Variants in PCDHA3 observed in about 807,000 individuals in gnomAD.
The protein encoded by PCDHA3 is protocadherin alpha-3.
PCDHA3 carries 41 observed loss-of-function variants against 62.2 expected under a neutral mutation model. The observed-to-expected ratio is 0.66, with a 90% CI of 0.51 to 0.86. The LOEUF (loss-of-function observed/expected upper bound fraction) is 0.86. PCDHA3 is among the 40% of genes least tolerant of loss of function. The pLI is 0.00. For synonymous variants in PCDHA3, 640 were observed against 555.4 expected (o/e 1.15, Z -2.14); for missense variants, 1,304 against 1,241.2 (o/e 1.05, Z -0.76).
intron 1 of PCDHA3, chr5:140,813,234 G>C (rs1010931679): frequency 6.6e-6 from 1 of 152,092 alleles, no homozygotes; most frequent in Admixed American, 6.6e-5. Context: ...TTGAAAGTAG[G>C]ATACCAAAAT....
chr5:140,971,771 T>C (rs1433692038), intron 1 of PCDHA3, among the ~76,000 whole-genome samples: 1 of 152,192 alleles, frequency 6.6e-6, no homozygotes, highest in Non-Finnish European at 1.5e-5. Context: ...TCTTGAATAT[T>C]ATTCAAGATT....
At position 140,884,053 on chromosome 5, in the gene PCDHA3, C is replaced by A. The variant is rs782043806; in HGVS notation, c.2394+80462C>A. The stretch of plus-strand genomic sequence containing the variant: ...CAGGCCACGTGGTGGCGAAGGTGCG[C>A]GCGGTGGACGCCGATTCGGGCTACA... On this transcript the variant is annotated intron_variant, in intron 1 of 3. Transcript: ENST00000522353. 10 of 1,613,378 alleles carry A rather than the reference C, an allele frequency of 6.2e-6. No homozygotes were observed. The Admixed American group carries it at 1.2e-4, about 19-fold the overall frequency.
chr5:140,985,508 A>G (rs2097155357), intron 3 of PCDHA3, among the ~76,000 whole-genome samples: 1 of 152,160 alleles, frequency 6.6e-6, no homozygotes, highest in Admixed American at 6.5e-5. Context: ...CCTTTCATTG[A>G]TTCTGTTGCC....
At chr5:140,883,913 G>T (rs782585121) in intron 1 of PCDHA3, 1 of 1,613,478 alleles carries the variant, frequency 6.2e-7, no homozygotes, top group South Asian at 1.1e-5. Context: ...GGGCAGCAAC[G>T]TGACGCTGCA....
chr5:140,869,346 T>C (rs781810947), intron 1 of PCDHA3: 4 of 1,614,054 alleles, frequency 2.5e-6, no homozygotes, highest in Non-Finnish European at 2.5e-6. Context: ...ATCTGCAGAA[T>C]GGCATTTTGT....
rs146951816 is a variant in PCDHA3 at position 140,802,179 on chromosome 5, C to T, written c.982C>T (p.Pro328Ser). ...IQVEATDKGN[P>S]PMSDHCTVLL... ...GGTAGAAGCCACGGATAAAGGAAAT[C>T]CCCCAATGTCAGATCACTGCACAGT... The change falls in exon 1 of 4, where the codon CCC becomes TCC. Residue 328 changes from proline (P) to serine (S), a missense_variant. Pro to Ser is a moderately conservative substitution (Grantham distance 74). Coordinates refer to ENST00000522353, the MANE Select transcript of PCDHA3 (RefSeq NM_018906.3). The T allele has an allele frequency of 5.5e-4, 889 of 1,614,140 alleles. No homozygotes were observed. Among genetic ancestry groups the T allele is most frequent in the Non-Finnish European group, 7.1e-4 (835 of 1,179,962 alleles).
chr5:140,994,667 T>G (rs2097644091), intron 3 of PCDHA3, among the ~76,000 whole-genome samples: 1 of 152,140 alleles, frequency 6.6e-6, no homozygotes, highest in Non-Finnish European at 1.5e-5. Flanking sequence ...ATCACACTAC[T>G]GCACTCCAGC....
chr5:141,006,383 T>C (rs1431976303), intron 3 of PCDHA3, among the ~76,000 whole-genome samples: 1 of 151,992 alleles, frequency 6.6e-6, no homozygotes, highest in African/African-American at 2.4e-5. Context: ...GGCTAAGTTT[T>C]TTCTATTTTT....
Position 140,935,377 on chromosome 5 carries a change from C to T in PCDHA3, c.2395-43572C>T, listed in dbSNP as rs139207351. On this transcript the variant is annotated intron_variant, in intron 1 of 3. Coordinates refer to ENST00000522353, the MANE Select transcript of PCDHA3 (RefSeq NM_018906.3). ...GTTTTCATTAACGTCAACAGAATTA[C>T]TCATTTGTTATCCCACGGGACTCAA... is the stretch of plus-strand genomic sequence containing the variant. Among the ~76,000 whole-genome samples the T allele has an allele frequency of 1.3e-4, 20 of 152,332 alleles. No individual in the cohort carries two copies. In the East Asian group the frequency reaches 3.1e-3, roughly 23 times the overall value.
chr5:140,863,250 C>T, intron 1 of PCDHA3: 1 of 1,410,418 alleles, frequency 7.1e-7, no homozygotes, highest in Non-Finnish European at 9.7e-7. Context: ...TGGCGGGCGT[C>T]GAGGTCCGGG....
At chr5:140,843,605 G>A (rs2150363310) in intron 1 of PCDHA3, 2 of 1,596,092 alleles carry the variant, frequency 1.3e-6, no homozygotes, top group East Asian at 2.2e-5. Flanking sequence ...GTGCTCTGGT[G>A]AGGGGCCACC....
chr5:140,884,383 C>T lies in PCDHA3; in HGVS notation c.2394+80792C>T, dbSNP rs185410866. The T allele has an allele frequency of 5.2e-5, 84 of 1,613,994 alleles. No homozygotes were observed. In the Admixed American group the frequency reaches 1.4e-3, roughly 27 times the overall value. ...ATGTTTACTTGATCATTGCCATCTG[C>T]GCGGTGTCCAGCCTGTTGGTGCTCA... On this transcript the variant is annotated intron_variant, in intron 1 of 3. Transcript: ENST00000522353.
At chr5:140,808,465 C>T (rs372009115) in intron 1 of PCDHA3, 7 of 1,614,064 alleles carry the variant, frequency 4.3e-6, no homozygotes, top group Admixed American at 1.7e-5. Flanking sequence ...TGGTGGTGAC[C>T]GCGCGAGACG....
At chr5:140,844,242 G>A (rs2150369958) in intron 1 of PCDHA3, among the ~76,000 whole-genome samples, 3,371 of 149,312 alleles carry the variant, frequency 0.023, 302 homozygotes, top group African/African-American at 0.077. Flanking sequence ...CACTATTGCC[G>A]TTTTAAGCAG....
chr5:140,889,518 ATAT>A (rs2062258374), intron 1 of PCDHA3, among the ~76,000 whole-genome samples: 1 of 151,708 alleles, frequency 6.6e-6, no homozygotes, highest in South Asian at 2.1e-4. Flanking sequence ...TCCATTCTTG[ATAT>A]TATTTTTGCT....
chr5:140,831,119 G>T (rs1198671587), intron 1 of PCDHA3: 1 of 152,072 alleles, frequency 6.6e-6, no homozygotes, highest in Non-Finnish European at 1.5e-5. Context: ...GAATACTTCT[G>T]GTTGTTATGG....
chr5:140,876,715 C>A (rs570565884), intron 1 of PCDHA3: 7 of 1,614,232 alleles, frequency 4.3e-6, no homozygotes, highest in East Asian at 2.2e-5. Context: ...CGCCCTGGAC[C>A]GCGAGAGCGT....
chr5:140,858,271 C>G (rs782492418), intron 1 of PCDHA3: 1 of 1,597,010 alleles, frequency 6.3e-7, no homozygotes, highest in Admixed American at 1.7e-5. Flanking sequence ...TGTGCTCTAG[C>G]GCGGTGGGGA....
intron 1 of PCDHA3, among the ~76,000 whole-genome samples, chr5:140,941,977 A>G (rs1247578104): frequency 6.6e-6 from 1 of 152,154 alleles, no homozygotes; most frequent in Admixed American, 6.5e-5. Context: ...CTTTCCCTAA[A>G]CCTTGATAAG....
Sources: gnomAD v4.1 joint callset for allele counts (sites outside exome capture counted in the v4.1 genomes callset) on GRCh38, gnomAD v4.1.1 for gene constraint, MANE v1.5 for transcripts, NCBI Gene and HGNC (gene_info 2026-07-23, HGNC 2026-07-21) for gene names.